The following KCNQ3 variants were observed in gnomAD, a reference collection of about 807,000 sequenced individuals.
The protein encoded by KCNQ3 is potassium voltage-gated channel subfamily Q member 3.
Under a neutral mutation model 92.5 loss-of-function variants are expected in KCNQ3, and 30 were observed. The observed-to-expected ratio is 0.32, with a 90% confidence interval of 0.24 to 0.44. KCNQ3 has a LOEUF of 0.44. Ranked by LOEUF, KCNQ3 falls within the 20% of genes least tolerant of loss-of-function variation. KCNQ3 has a pLI of 1.00. For missense variants in KCNQ3, 913 were observed against 1,140.3 expected (o/e 0.80, Z 2.87); for synonymous variants, 450 against 468.8 (o/e 0.96, Z 0.52).
intron 12 of KCNQ3, among the ~76,000 whole-genome samples, chr8:132,136,307 T>C (rs762659973): frequency 6.6e-6 from 1 of 152,188 alleles, no homozygotes; most frequent in East Asian, 1.9e-4. Flanking sequence ...CGCGTGTCCA[T>C]TGGAAATCTC....
chr8:132,152,218 T>C (rs1450216020), intron 9 of KCNQ3, among the ~76,000 whole-genome samples: 1 of 152,164 alleles, frequency 6.6e-6, no homozygotes, highest in Non-Finnish European at 1.5e-5. Flanking sequence ...AGAGCTAAAA[T>C]GTTCATGAAT....
At chr8:132,459,777 G>A (rs1822022228) in intron 1 of KCNQ3, among the ~76,000 whole-genome samples, 1 of 150,662 alleles carries the variant, frequency 6.6e-6, no homozygotes, top group Admixed American at 6.6e-5. Context: ...CCCTTTGGAA[G>A]GAAGTCACTT....
intron 1 of KCNQ3, among the ~76,000 whole-genome samples, chr8:132,303,579 T>TATATATATATATATA (rs1817297627): frequency 3.0e-5 from 1 of 33,842 alleles, no homozygotes; most frequent in Non-Finnish European, 5.7e-5. Context: ...TATATATATA[T>TATATATATATATATA]GGTGTGTGTG....
intron 8 of KCNQ3, among the ~76,000 whole-genome samples, chr8:132,166,895 G>A (rs1826158654): frequency 6.6e-6 from 1 of 152,152 alleles, no homozygotes; most frequent in Non-Finnish European, 1.5e-5. Context: ...TCCTCAGGAA[G>A]TTAAACATAG....
At chr8:132,408,605 T>C (rs1057497841) in intron 1 of KCNQ3, among the ~76,000 whole-genome samples, 2 of 152,210 alleles carry the variant, frequency 1.3e-5, no homozygotes, top group Non-Finnish European at 2.9e-5. Flanking sequence ...TTTTACCTTA[T>C]GTGGCCAAAA....
At chr8:132,304,057 G>A (rs571615154) in intron 1 of KCNQ3, among the ~76,000 whole-genome samples, 2 of 152,074 alleles carry the variant, frequency 1.3e-5, no homozygotes, top group East Asian at 3.9e-4. Context: ...AAAACAGAAA[G>A]TCAAATACTG....
At chr8:132,295,425 A>G (rs1367018974) in intron 1 of KCNQ3, among the ~76,000 whole-genome samples, 1 of 152,252 alleles carries the variant, frequency 6.6e-6, no homozygotes, top group Non-Finnish European at 1.5e-5. Context: ...ATGCTTTTAC[A>G]CTGTTGGTGG....
intron 1 of KCNQ3, among the ~76,000 whole-genome samples, chr8:132,401,002 A>AG (rs1820317633): frequency 6.6e-6 from 1 of 152,220 alleles, no homozygotes; most frequent in African/African-American, 2.4e-5. Flanking sequence ...AGCATTCAGG[A>AG]TAAGCAAGCT....
intron 1 of KCNQ3, among the ~76,000 whole-genome samples, chr8:132,289,267 G>T (rs552706754): frequency 1.3e-5 from 2 of 152,312 alleles, no homozygotes; most frequent in East Asian, 1.9e-4. Context: ...GGATTTTAAT[G>T]GTTAGCACTT....
chr8:132,417,157 G>A (rs1240692193), intron 1 of KCNQ3, among the ~76,000 whole-genome samples: 10 of 152,214 alleles, frequency 6.6e-5, no homozygotes, highest in African/African-American at 1.2e-4. Flanking sequence ...GCAACATCCC[G>A]TATAGAGACT....
At chr8:132,238,554 C>T (rs946261476) in intron 1 of KCNQ3, among the ~76,000 whole-genome samples, 2 of 152,134 alleles carry the variant, frequency 1.3e-5, no homozygotes, top group Admixed American at 1.3e-4. Context: ...CCTTCTTCAA[C>T]TCTTATGCAA....
At chr8:132,219,557 G>A (rs1459514272) in intron 1 of KCNQ3, among the ~76,000 whole-genome samples, 1 of 151,874 alleles carries the variant, frequency 6.6e-6, no homozygotes, top group Admixed American at 6.6e-5. Flanking sequence ...CTTCCCTGCT[G>A]TTCTCTCTCA....
At chr8:132,368,250 G>C (rs938865544) in intron 1 of KCNQ3, among the ~76,000 whole-genome samples, 7 of 152,198 alleles carry the variant, frequency 4.6e-5, no homozygotes, top group African/African-American at 1.4e-4. Context: ...GTGAGGACTT[G>C]CTATAATAGG....
intron 11 of KCNQ3, 66 bp downstream of exon 11, chr8:132,140,010 T>C (rs1825231505): frequency 2.7e-6 from 3 of 1,118,302 alleles, no homozygotes; most frequent in Non-Finnish European, 3.9e-6. Flanking sequence ...TATAAGCCCC[T>C]TCCTGTGGGA....
rs1272774521 is a variant in KCNQ3, at chr8:132,134,297, A to G, written c.1792T>C (p.Ser598Pro). ...GSAFTFPSQQ[S>P]PRNEPYVARP... is the part of the protein sequence containing the mutation. ...CATGTCCACTGGCCCCACCTGGGAG[A>G]TTGCTGGGATGGGAAGGTGAATGCT... Residue 598 changes from serine to proline, a missense_variant, in exon 13 of 15, where the codon TCT (serine) becomes CCT (proline). This residue lies in a region of KCNQ3 where 375 missense variants were observed against 376.4 expected (regional missense o/e 1.00). Coordinates refer to ENST00000388996, the MANE Select transcript of KCNQ3 (RefSeq NM_004519.4). 6.2e-7 allele frequency: 1 copy of G among 1,613,034 alleles called. No individual in the cohort carries two copies. Among genetic ancestry groups the G allele is most frequent in the South Asian group, 1.1e-5 (1 of 91,038 alleles).
At position 132,170,296 on chromosome 8, in the gene KCNQ3, T is replaced by C. The variant is rs4736555; in HGVS notation, c.1235+38A>G. ...GAATACAGACCGCAGGAGAGATGGC[T>C]GGTCACGCCCTGAGCATTCAGGTGA... On this transcript the variant is annotated intron_variant, in intron 8 of 14. Coordinates refer to ENST00000388996, the MANE Select transcript of KCNQ3 (RefSeq NM_004519.4). 13,861 of 1,441,598 alleles carry C rather than the reference T, an allele frequency of 9.6e-3. 1,431 individuals are homozygous for C. The Admixed American group carries it at 0.19, about 19-fold the overall frequency. 89.3% of individuals were successfully genotyped at this position (1,441,598 alleles called of 1,614,324 possible). A position where few individuals can be genotyped will look rare whatever the true frequency, so the allele number is the denominator to read the frequency against.
At position 132,481,088 on chromosome 8, in the gene KCNQ3, A is replaced by ACGCCGCGGGCCGAGC. The variant is rs1822555299; in HGVS notation, c.-557_-556insGCTCGGCCCGCGGCG. The stretch of plus-strand genomic sequence containing the variant: ...AGCAGCGAGCGCGCCGCGGGCCGAG[A>ACGCCGCGGGCCGAGC]GCACGCCGCGTCCCTCCCTCCCTCC... On this transcript the variant is annotated 5_prime_UTR_variant, in exon 1 of 15. Coordinates refer to ENST00000388996, the MANE Select transcript of KCNQ3 (RefSeq NM_004519.4). The ACGCCGCGGGCCGAGC allele has an allele frequency of 1.3e-5, 2 of 152,856 alleles. No homozygotes were observed. Among genetic ancestry groups the ACGCCGCGGGCCGAGC allele is most frequent in the African/African-American group, 4.8e-5 (2 of 41,338 alleles). The allele number at this position is 152,856 out of a possible 1,614,324, so 9.5% of individuals were successfully genotyped here. A position where few individuals can be genotyped will look rare whatever the true frequency, so the allele number is the denominator to read the frequency against.
chr8:132,388,925 C>T (rs986579308), intron 1 of KCNQ3, among the ~76,000 whole-genome samples: 8 of 151,970 alleles, frequency 5.3e-5, no homozygotes, highest in Non-Finnish European at 7.4e-5. Context: ...ACTTAAATAC[C>T]GACACATACA....
chr8:132,167,788 A>G (rs1187353538), intron 8 of KCNQ3, among the ~76,000 whole-genome samples: 1 of 152,242 alleles, frequency 6.6e-6, no homozygotes, highest in Non-Finnish European at 1.5e-5. Flanking sequence ...TGCCTTATTT[A>G]TAATACATCA....
Sources: allele counts gnomAD v4.1 joint callset (sites outside exome capture counted in the v4.1 genomes callset), GRCh38; gene constraint gnomAD v4.1.1; regional missense constraint gnomAD v4.1.1; transcripts MANE v1.5; gene names NCBI Gene and HGNC (gene_info 2026-07-23, HGNC 2026-07-21).